ALK: variants seen among roughly 807,000 people sequenced by gnomAD.
ALK encodes ALK tyrosine kinase receptor.
Under a neutral mutation model 163.1 loss-of-function variants are expected in ALK, and 74 were observed. The observed-to-expected ratio is 0.45, with a 90% CI of 0.38 to 0.55. The LOEUF is 0.55. Ranked by LOEUF, ALK falls within the 20% of genes least tolerant of loss-of-function variation. The pLI, the probability that ALK is intolerant of heterozygous loss-of-function variation, is 0.00. For synonymous variants in ALK, 960 were observed against 843.2 expected, an observed-to-expected ratio of 1.14 and a Z score of -2.40; for missense variants, 2,063 against 2,105.3, an observed-to-expected ratio of 0.98 and a Z score of 0.39.
At chr2:29,622,962 C>G (rs1676077775) in intron 3 of ALK, among the ~76,000 whole-genome samples, 1 of 152,176 alleles carries the variant, frequency 6.6e-6, no homozygotes, top group South Asian at 2.1e-4. Flanking sequence ...AACCAATGAC[C>G]TCCATCTTGG....
intron 2 of ALK, among the ~76,000 whole-genome samples, chr2:29,710,457 G>A (rs961575978): frequency 1.5e-4 from 23 of 151,402 alleles, no homozygotes; most frequent in African/African-American, 5.3e-4. Context: ...TCTCCTCTGG[G>A]TCTTCAACCT....
intron 10 of ALK, 52 bp downstream of exon 10, chr2:29,275,350 C>T: frequency 6.2e-7 from 1 of 1,608,276 alleles, no homozygotes; most frequent in Non-Finnish European, 8.5e-7. Flanking sequence ...GACAATGAGG[C>T]CATGGGCCAT....
intron 1 of ALK, among the ~76,000 whole-genome samples, chr2:29,828,863 C>T (rs1665279131): frequency 6.6e-6 from 1 of 151,992 alleles, no homozygotes; most frequent in African/African-American, 2.4e-5. Flanking sequence ...GACACATGCA[C>T]ATGTATGTTT....
At chr2:29,637,456 T>C (rs1374116446) in intron 3 of ALK, among the ~76,000 whole-genome samples, 1 of 151,860 alleles carries the variant, frequency 6.6e-6, no homozygotes, top group Admixed American at 6.6e-5. Flanking sequence ...GGGAAGTGGA[T>C]GAGAATATAA....
At chr2:29,786,503 G>A (rs1664028695) in intron 1 of ALK, among the ~76,000 whole-genome samples, 1 of 152,204 alleles carries the variant, frequency 6.6e-6, no homozygotes, top group African/African-American at 2.4e-5. Flanking sequence ...TGTGTGTTAA[G>A]AGCGACGGTG....
At chr2:29,871,370 G>A (rs1370126336) in intron 1 of ALK, among the ~76,000 whole-genome samples, 3 of 152,192 alleles carry the variant, frequency 2.0e-5, no homozygotes, top group African/African-American at 7.2e-5. Context: ...GAATGTCCTG[G>A]AAAGGCTTCA....
intron 5 of ALK, among the ~76,000 whole-genome samples, chr2:29,349,433 A>C (rs12996631): frequency 6.6e-6 from 1 of 152,014 alleles, no homozygotes; most frequent in Admixed American, 6.6e-5. Context: ...ACACTGGCTT[A>C]ATAGTCCATT....
chr2:29,204,080 G>A (rs1490336257), intron 26 of ALK, among the ~76,000 whole-genome samples: 1 of 151,902 alleles, frequency 6.6e-6, no homozygotes, highest in African/African-American at 2.4e-5. Flanking sequence ...TTGCATTTCT[G>A]TCATCAAATT....
chr2:29,196,912 A>C, intron 27 of ALK, 52 bp from the exon 28 acceptor site: 1 of 1,475,876 alleles, frequency 6.8e-7, no homozygotes, highest in Non-Finnish European at 9.5e-7. Context: ...ATGATGAAAA[A>C]TATATTTTCT....
At chr2:29,818,382 T>A (rs916379778) in intron 1 of ALK, among the ~76,000 whole-genome samples, 1 of 152,254 alleles carries the variant, frequency 6.6e-6, no homozygotes. Flanking sequence ...GGTTTTCATT[T>A]TAATCACGCT....
At chr2:29,574,357 G>A (rs950027350) in intron 3 of ALK, among the ~76,000 whole-genome samples, 5 of 152,176 alleles carry the variant, frequency 3.3e-5, no homozygotes, top group Non-Finnish European at 5.9e-5. Context: ...AAACCGAAAC[G>A]TACATGAGGG....
chr2:29,439,817 G>A (rs1396455593), intron 4 of ALK, among the ~76,000 whole-genome samples: 1 of 152,148 alleles, frequency 6.6e-6, no homozygotes, highest in Non-Finnish European at 1.5e-5. Context: ...GCTAGGAAGT[G>A]GTAAGGATTC....
intron 1 of ALK, among the ~76,000 whole-genome samples, chr2:29,844,907 TAC>T (rs1665802638): frequency 1.3e-5 from 2 of 149,626 alleles, no homozygotes; most frequent in African/African-American, 4.9e-5. Context: ...ACACACACAG[TAC>T]ACACACTGCT....
Position 29,227,150 on chromosome 2 carries a change from G to A in ALK, c.2915-76C>T, listed in dbSNP as rs1664027243. 1 of 1,597,356 alleles carries A rather than the reference G, an allele frequency of 6.3e-7. No homozygotes were observed. Among genetic ancestry groups the A allele is most frequent in the South Asian group, 1.1e-5 (1 of 90,458 alleles). On this transcript the variant is annotated intron_variant, in intron 17 of 28. Coordinates refer to ENST00000389048, the MANE Select transcript of ALK (RefSeq NM_004304.5). The surrounding 1 kb of genome is among the most constrained non-coding windows in gnomAD (Gnocchi z 4.4). ...CCCAGCCTCAGTACTATGTCTCCAG[G>A]TGGTCACTGTGGGTGCTCTGGTGGT...
chr2:29,600,040 C>T (rs548854648), intron 3 of ALK, among the ~76,000 whole-genome samples: 9 of 152,258 alleles, frequency 5.9e-5, no homozygotes, highest in Admixed American at 6.5e-5. Flanking sequence ...GAGCTCACTC[C>T]GGTGAGGACA....
intron 1 of ALK, among the ~76,000 whole-genome samples, chr2:29,839,596 G>T (rs1163613258): frequency 6.6e-6 from 1 of 152,146 alleles, no homozygotes; most frequent in Non-Finnish European, 1.5e-5. Flanking sequence ...ATGACAAAAT[G>T]GTTGTCTCGC....
chr2:29,502,209 G>A (rs764624378), intron 4 of ALK, among the ~76,000 whole-genome samples: 1 of 152,100 alleles, frequency 6.6e-6, no homozygotes, highest in Non-Finnish European at 1.5e-5. Context: ...CCTTAGTAAC[G>A]AATTTGAGTC....
chr2:29,441,625 G>A (rs62131773), intron 4 of ALK, among the ~76,000 whole-genome samples: 9,539 of 152,236 alleles, frequency 0.063, 425 homozygotes, highest in Non-Finnish European at 0.095. Flanking sequence ...CAGCATGATT[G>A]TAGCTGTGTA....
chr2:29,587,050 C>T (rs1674909904), intron 3 of ALK, among the ~76,000 whole-genome samples: 1 of 152,196 alleles, frequency 6.6e-6, no homozygotes, highest in African/African-American at 2.4e-5. Context: ...TCCACCAACA[C>T]CTCCCTACTC....
Sources: allele counts gnomAD v4.1 joint callset (sites outside exome capture counted in the v4.1 genomes callset), GRCh38; gene constraint gnomAD v4.1.1; non-coding constraint Gnocchi (gnomAD v3.1); transcripts MANE v1.5; gene names NCBI Gene and HGNC (gene_info 2026-07-23, HGNC 2026-07-21).